NEDD4L: variants seen among roughly 807,000 people sequenced by gnomAD.
NEDD4L encodes NEDD4 like E3 ubiquitin protein ligase.
A neutral mutation model predicts 148.9 loss-of-function variants in NEDD4L; 54 were observed. That is an observed-to-expected ratio of 0.36 (90% CI 0.29 to 0.45). The LOEUF (loss-of-function observed/expected upper bound fraction) is 0.45, where lower values mean the gene tolerates loss of function less well. NEDD4L is among the 20% of genes least tolerant of loss of function. The pLI is 1.00. For missense variants in NEDD4L, 856 were observed against 1,233.8 expected, an observed-to-expected ratio of 0.69 and a Z score of 4.59; for synonymous variants, 433 against 440.7, an observed-to-expected ratio of 0.98 and a Z score of 0.22.
intron 1 of NEDD4L, among the ~76,000 whole-genome samples, chr18:58,072,857 GGC>G (rs563017835): frequency 2.1e-3 from 287 of 139,664 alleles, no homozygotes; most frequent in Middle Eastern, 0.016. Flanking sequence ...AAAATCCTAA[GGC>G]GCGCGCGCGC....
At chr18:58,254,992 A>C (rs1426692524) in intron 5 of NEDD4L, among the ~76,000 whole-genome samples, 1 of 152,200 alleles carries the variant, frequency 6.6e-6, no homozygotes, top group Non-Finnish European at 1.5e-5. Flanking sequence ...TAAATAACAG[A>C]AACATGGTAT....
chr18:58,273,681 G>A (rs766160664), intron 5 of NEDD4L, among the ~76,000 whole-genome samples: 19 of 152,152 alleles, frequency 1.2e-4, no homozygotes, highest in Non-Finnish European at 2.5e-4. Flanking sequence ...TGACAATTTG[G>A]TGTTGTAGAT....
chr18:58,123,572 A>G (rs1247983396), intron 1 of NEDD4L, among the ~76,000 whole-genome samples: 1 of 152,134 alleles, frequency 6.6e-6, no homozygotes, highest in Non-Finnish European at 1.5e-5. Context: ...TTTCACAATT[A>G]TTCCAAAACT....
chr18:58,045,390 C>T (rs1017993688), intron 1 of NEDD4L: 4 of 372,568 alleles, frequency 1.1e-5, no homozygotes, highest in Non-Finnish European at 1.9e-5. Context: ...CCCGAGGATT[C>T]AAAGCCCGGC....
intron 5 of NEDD4L, among the ~76,000 whole-genome samples, chr18:58,292,213 A>G (rs1464985983): frequency 8.1e-6 from 1 of 123,746 alleles, no homozygotes; most frequent in East Asian, 2.2e-4. Flanking sequence ...CGCAAGGCCA[A>G]GTGGCTGCCA....
intron 1 of NEDD4L, among the ~76,000 whole-genome samples, chr18:58,086,668 C>G (rs1167583911): frequency 2.0e-5 from 3 of 152,102 alleles, no homozygotes; most frequent in Non-Finnish European, 4.4e-5. Flanking sequence ...ACTTTCTTCA[C>G]TATTTTCTAT....
intron 5 of NEDD4L, among the ~76,000 whole-genome samples, chr18:58,268,072 A>G (rs1459487003): frequency 1.3e-5 from 2 of 152,068 alleles, no homozygotes; most frequent in African/African-American, 4.8e-5. Context: ...GAGAAATGCC[A>G]TACAACTTTA....
intron 1 of NEDD4L, among the ~76,000 whole-genome samples, chr18:58,153,334 CTTTT>C (rs58164854): frequency 7.8e-6 from 1 of 128,138 alleles, no homozygotes; most frequent in African/African-American, 2.9e-5. Flanking sequence ...AAGAGATTGA[CTTTT>C]TTTTTTTTTT....
At position 58,122,312 on chromosome 18, in the gene NEDD4L, C is replaced by T. The variant is rs1377752794; in HGVS notation, c.49-43476C>T. On this transcript the variant is annotated intron_variant, in intron 1 of 30. Coordinates refer to ENST00000400345, the MANE Select transcript of NEDD4L (RefSeq NM_001144967.3). ...GTCAGGAGTTCGAGACCAGTCTGGC[C>T]AACACGGTGAAACCCCGTCTCTACT... is the stretch of plus-strand genomic sequence containing the variant. Among the ~76,000 whole-genome samples the T allele has an allele frequency of 2.0e-5, 3 of 152,232 alleles. No homozygotes were observed. The East Asian group carries it at 5.8e-4, about 29-fold the overall frequency.
intron 9 of NEDD4L, among the ~76,000 whole-genome samples, chr18:58,325,936 G>C (rs1489830317): frequency 6.6e-6 from 1 of 152,118 alleles, no homozygotes; most frequent in Non-Finnish European, 1.5e-5. Context: ...TTTTATCCTA[G>C]AAATTATGAG....
At chr18:58,370,896 G>A (rs549537277) in intron 23 of NEDD4L, among the ~76,000 whole-genome samples, 2 of 152,308 alleles carry the variant, frequency 1.3e-5, no homozygotes, top group African/African-American at 2.4e-5. Context: ...TCAGGCAGAC[G>A]TCCTAGACAT....
chr18:58,370,310 T>C, intron 22 of NEDD4L, 87 bp from the exon 23 acceptor site: 1 of 826,508 alleles, frequency 1.2e-6, no homozygotes, highest in East Asian at 2.5e-5. Context: ...TCATTTACAT[T>C]GAAAGCAGGT....
At chr18:58,093,295 A>G (rs1048646130) in intron 1 of NEDD4L, among the ~76,000 whole-genome samples, 1 of 152,200 alleles carries the variant, frequency 6.6e-6, no homozygotes, top group African/African-American at 2.4e-5. Context: ...GAGTTTTTCA[A>G]GAAGTACTCA....
intron 5 of NEDD4L, among the ~76,000 whole-genome samples, chr18:58,277,347 G>C (rs895945506): frequency 6.6e-6 from 1 of 152,176 alleles, no homozygotes; most frequent in Admixed American, 6.5e-5. Flanking sequence ...GCAGGCTCTG[G>C]CTTGCATGTC....
At chr18:58,320,133 C>G (rs143487908) in intron 6 of NEDD4L, among the ~76,000 whole-genome samples, 4 of 152,256 alleles carry the variant, frequency 2.6e-5, no homozygotes, top group Non-Finnish European at 5.9e-5. Flanking sequence ...CTCTAAGCTC[C>G]GTGGTTTTCC....
At chr18:58,124,412 C>A (rs1016232481) in intron 1 of NEDD4L, among the ~76,000 whole-genome samples, 1 of 152,216 alleles carries the variant, frequency 6.6e-6, no homozygotes, top group Admixed American at 6.5e-5. Context: ...CCTCCTTGGT[C>A]TCCCTCTGGC....
At chr18:58,306,659 CTT>C (rs1419699655) in intron 5 of NEDD4L, among the ~76,000 whole-genome samples, 2 of 150,736 alleles carry the variant, frequency 1.3e-5, no homozygotes, top group Non-Finnish European at 3.0e-5. Flanking sequence ...GAATTTTGCT[CTT>C]GTCACCCAGG....
chr18:58,393,064 ACTG>A (rs1467383024), intron 30 of NEDD4L, among the ~76,000 whole-genome samples: 3 of 152,160 alleles, frequency 2.0e-5, no homozygotes, highest in Admixed American at 1.3e-4. Flanking sequence ...CACCAGATAC[ACTG>A]CCTCTGTTGA....
At chr18:58,163,753 C>T (rs113848643) in intron 1 of NEDD4L, among the ~76,000 whole-genome samples, 3 of 152,096 alleles carry the variant, frequency 2.0e-5, no homozygotes, top group East Asian at 1.9e-4. Flanking sequence ...GTTGGATGGA[C>T]GGTTGGGTGG....
Sources: gnomAD v4.1 joint callset for allele counts (sites outside exome capture counted in the v4.1 genomes callset) on GRCh38, gnomAD v4.1.1 for gene constraint, MANE v1.5 for transcripts, NCBI Gene and HGNC (gene_info 2026-07-23, HGNC 2026-07-21) for gene names.